The following DLGAP1 variants were observed in gnomAD, a reference collection of about 807,000 sequenced individuals.
DLGAP1 encodes the protein DLG associated protein 1.
A neutral mutation model predicts 90.8 loss-of-function variants in DLGAP1; 11 were observed. That is an observed-to-expected ratio of 0.12 (90% confidence interval 0.08 to 0.20). The LOEUF is 0.20. DLGAP1 is among the 10% of genes least tolerant of loss of function. The pLI, the probability that DLGAP1 is intolerant of heterozygous loss-of-function variation, is 1.00. For missense variants in DLGAP1, 1,050 were observed against 1,333.8 expected (o/e 0.79, Z 3.31); for synonymous variants, 558 against 540.7 (o/e 1.03, Z -0.44).
At chr18:4,327,070 A>G (rs1444372787) in intron 1 of DLGAP1, among the ~76,000 whole-genome samples, 5 of 142,600 alleles carry the variant, frequency 3.5e-5, no homozygotes, top group Non-Finnish European at 4.5e-5. Context: ...TGAAGGAATG[A>G]AAAAAATGTT....
intron 1 of DLGAP1, among the ~76,000 whole-genome samples, chr18:4,356,657 C>T (rs974787301): frequency 1.9e-4 from 29 of 152,150 alleles, no homozygotes; most frequent in Admixed American, 1.6e-3. Flanking sequence ...TATCTCTTGA[C>T]TGGATTCTTG....
At chr18:4,398,554 GA>G (rs1390644955) in intron 1 of DLGAP1, among the ~76,000 whole-genome samples, 1 of 152,202 alleles carries the variant, frequency 6.6e-6, no homozygotes, top group Non-Finnish European at 1.5e-5. Flanking sequence ...AGCTATTACA[GA>G]AAATGTTTTG....
At chr18:3,873,621 C>T (rs2070885624) in intron 4 of DLGAP1, among the ~76,000 whole-genome samples, 2 of 152,066 alleles carry the variant, frequency 1.3e-5, no homozygotes, top group Admixed American at 6.5e-5. Flanking sequence ...GGAAAGAAAA[C>T]TCCCACTGGG....
intron 3 of DLGAP1, among the ~76,000 whole-genome samples, chr18:3,889,920 C>G (rs1233558369): frequency 6.6e-6 from 1 of 152,174 alleles, no homozygotes; most frequent in Non-Finnish European, 1.5e-5. Flanking sequence ...AGGAGCCAGT[C>G]CAGAGTCCAT....
intron 7 of DLGAP1, among the ~76,000 whole-genome samples, chr18:3,715,984 G>T (rs892917386): frequency 6.6e-6 from 1 of 152,110 alleles, no homozygotes; most frequent in Non-Finnish European, 1.5e-5. Flanking sequence ...AGGAAAGCAA[G>T]GGAAAGAATA....
intron 7 of DLGAP1, among the ~76,000 whole-genome samples, chr18:3,628,622 A>G (rs2058404817): frequency 6.6e-6 from 1 of 152,178 alleles, no homozygotes; most frequent in South Asian, 2.1e-4. Context: ...TCCCAGAAGT[A>G]ACTAGTCTGC....
intron 1 of DLGAP1, among the ~76,000 whole-genome samples, chr18:4,275,717 T>C (rs1051108469): frequency 1.3e-5 from 2 of 152,160 alleles, no homozygotes; most frequent in African/African-American, 4.8e-5. Flanking sequence ...GTCATACTAT[T>C]AGACGATGTG....
chr18:4,433,917 AGCTCCTCTGTGG>A (rs2083343665), intron 1 of DLGAP1, among the ~76,000 whole-genome samples: 1 of 152,116 alleles, frequency 6.6e-6, no homozygotes, highest in African/African-American at 2.4e-5. Context: ...TATGTGCTGA[AGCTCCTCTGTGG>A]GCTCCTCTGT....
chr18:4,024,860 G>T (rs1052949800), intron 2 of DLGAP1, among the ~76,000 whole-genome samples: 1 of 152,096 alleles, frequency 6.6e-6, no homozygotes, highest in Non-Finnish European at 1.5e-5. Context: ...TGTGGTGTTC[G>T]AGAGCCAGAT....
chr18:3,743,944 C>T (rs1276054371), intron 5 of DLGAP1, among the ~76,000 whole-genome samples: 2 of 152,196 alleles, frequency 1.3e-5, no homozygotes, highest in Non-Finnish European at 2.9e-5. Context: ...GCCACTGTGC[C>T]CGGCCAATGT....
intron 1 of DLGAP1, among the ~76,000 whole-genome samples, chr18:4,420,404 CA>C (rs5822817): frequency 0.94 from 142,423 of 152,226 alleles, 67,327 homozygotes; most frequent in East Asian, 1. Flanking sequence ...ATGAAACATT[CA>C]ACCAAAATAG....
chr18:3,650,120 C>T (rs555952503), intron 7 of DLGAP1, among the ~76,000 whole-genome samples: 5 of 152,122 alleles, frequency 3.3e-5, no homozygotes, highest in East Asian at 3.9e-4. Context: ...CTCGGCTCAC[C>T]GCAACCTCCA....
chr18:4,062,068 G>T (rs1160138130), intron 2 of DLGAP1, among the ~76,000 whole-genome samples: 1 of 152,110 alleles, frequency 6.6e-6, no homozygotes, highest in African/African-American at 2.4e-5. Flanking sequence ...ATCCTTGTGT[G>T]ACTTTTTGTT....
chr18:4,346,039 C>G (rs1490392417), intron 1 of DLGAP1, among the ~76,000 whole-genome samples: 2 of 152,124 alleles, frequency 1.3e-5, no homozygotes, highest in Non-Finnish European at 2.9e-5. Flanking sequence ...CTCAAGAGCA[C>G]CACTCACGAT....
Position 4,401,867 on chromosome 18 carries a change from A to T in DLGAP1, c.-267+53139T>A, listed in dbSNP as rs182431476. Among the ~76,000 whole-genome samples, 466 of 152,366 alleles carry T rather than the reference A, an allele frequency of 3.1e-3. 6 individuals carry two copies. The highest frequency in any genetic ancestry group is 0.017 in the South Asian group (82 of 4,832). On this transcript the variant is annotated intron_variant, in intron 1 of 12. Coordinates refer to ENST00000315677, the MANE Select transcript of DLGAP1 (RefSeq NM_004746.4). Reference sequence around the variant, plus strand: ...AATATTTCACCATGCATGCTTTAAAATACATACAAAAATTCCGATGACAAA... The same window carrying T: ...AATATTTCACCATGCATGCTTTAAATTACATACAAAAATTCCGATGACAAA...
chr18:3,978,154 GT>G, intron 3 of DLGAP1: 1 of 451,750 alleles, frequency 2.2e-6, no homozygotes, highest in Admixed American at 2.3e-5. Context: ...ACCTTGGCTG[GT>G]GGGGGGCAAA....
chr18:4,165,604 A>G (rs746632008), intron 1 of DLGAP1, among the ~76,000 whole-genome samples: 21 of 152,210 alleles, frequency 1.4e-4, no homozygotes, highest in Non-Finnish European at 2.5e-4. Flanking sequence ...ACTGAAAAAA[A>G]TATTAAAATG....
intron 1 of DLGAP1, among the ~76,000 whole-genome samples, chr18:4,311,771 A>G (rs2080403915): frequency 6.6e-6 from 1 of 152,160 alleles, no homozygotes; most frequent in South Asian, 2.1e-4. Flanking sequence ...GCTGGAGTGC[A>G]GTGGCGCAAT....
intron 7 of DLGAP1, among the ~76,000 whole-genome samples, chr18:3,642,681 A>G (rs527748707): frequency 1.3e-5 from 2 of 152,356 alleles, no homozygotes; most frequent in South Asian, 4.1e-4. Context: ...ATGAGATAAC[A>G]TACGCCTTGC....
Sources: gnomAD v4.1 joint callset for allele counts (sites outside exome capture counted in the v4.1 genomes callset) on GRCh38, gnomAD v4.1.1 for gene constraint, MANE v1.5 for transcripts, NCBI Gene and HGNC (gene_info 2026-07-23, HGNC 2026-07-21) for gene names.